AFF1: variants seen among roughly 807,000 people sequenced by gnomAD.
AFF1 encodes the protein ALF transcription elongation factor 1.
In AFF1, 48 loss-of-function variants were observed where a neutral mutation model predicts 121.7. The observed-to-expected ratio is 0.39, with a 90% CI of 0.31 to 0.50. The LOEUF (loss-of-function observed/expected upper bound fraction) is 0.50, where lower values mean the gene tolerates loss of function less well. Among genes scored for constraint, AFF1 ranks in the 20% least tolerant of loss-of-function variants. AFF1 has a pLI of 0.76. For missense variants in AFF1, 1,523 were observed against 1,511.7 expected, an observed-to-expected ratio of 1.01 and a Z score of -0.12; for synonymous variants, 613 against 563.0, an observed-to-expected ratio of 1.09 and a Z score of -1.26.
At chr4:87,046,379 G>A (rs1458292688) in intron 3 of AFF1, 93 bp downstream of exon 3, 3 of 1,450,364 alleles carry the variant, frequency 2.1e-6, no homozygotes, top group East Asian at 4.6e-5. Flanking sequence ...TCGAACAAGG[G>A]TCACAGCTGT....
At chr4:87,122,696 A>G (rs1727813807) in intron 12 of AFF1, among the ~76,000 whole-genome samples, 2 of 152,088 alleles carry the variant, frequency 1.3e-5, no homozygotes, top group Non-Finnish European at 2.9e-5. Flanking sequence ...TAAGCAGTAT[A>G]TTTATAATTC....
chr4:87,017,984 T>C (rs74536391), intron 2 of AFF1, among the ~76,000 whole-genome samples: 5,882 of 151,996 alleles, frequency 0.039, 193 homozygotes, highest in African/African-American at 0.092. Flanking sequence ...GATGTCTTCA[T>C]TTCTTCCTTT....
At chr4:86,963,563 T>C (rs544633582) in intron 2 of AFF1, among the ~76,000 whole-genome samples, 20 of 152,336 alleles carry the variant, frequency 1.3e-4, no homozygotes, top group African/African-American at 4.8e-4. Context: ...TTTAAAAAGC[T>C]TATTCCTAGT....
chr4:87,088,366 TGTG>T (rs1723945240), intron 5 of AFF1, among the ~76,000 whole-genome samples: 3 of 152,312 alleles, frequency 2.0e-5, no homozygotes, highest in South Asian at 4.1e-4. Flanking sequence ...CTCCTGAGGC[TGTG>T]GTAACCCACA....
At chr4:87,065,202 T>C (rs1460361368) in intron 4 of AFF1, among the ~76,000 whole-genome samples, 1 of 152,192 alleles carries the variant, frequency 6.6e-6, no homozygotes, top group Non-Finnish European at 1.5e-5. Context: ...CTCACAGTCA[T>C]GCGGAAGGCA....
At position 87,007,339 on chromosome 4, in the gene AFF1, C is replaced by T. The variant is rs202016738; in HGVS notation, c.39-38827C>T. 254 of 1,608,602 alleles carry T rather than the reference C, an allele frequency of 1.6e-4. 1 individual carries two copies. The East Asian group carries it at 4.6e-3, about 29-fold the overall frequency. On this transcript the variant is annotated intron_variant, in intron 2 of 20. Coordinates refer to ENST00000395146, the MANE Select transcript of AFF1 (RefSeq NM_001166693.3). ...CGGCTCCGCCAAATGGTGAGCGCGG[C>T]GCTGGCAGCAGGGCCCGCGGGGTGA...
intron 11 of AFF1, among the ~76,000 whole-genome samples, chr4:87,112,399 A>G (rs1726627398): frequency 6.6e-6 from 1 of 152,230 alleles, no homozygotes. Flanking sequence ...AGCCGTAAGG[A>G]AGATAATGTT....
intron 2 of AFF1, among the ~76,000 whole-genome samples, chr4:86,964,843 A>G (rs1351494299): frequency 6.6e-6 from 1 of 152,248 alleles, no homozygotes; most frequent in Non-Finnish European, 1.5e-5. Flanking sequence ...ACACAGACTA[A>G]TAAAACATTT....
At chr4:87,030,124 T>C (rs1728921744) in intron 2 of AFF1, among the ~76,000 whole-genome samples, 1 of 148,148 alleles carries the variant, frequency 6.8e-6, no homozygotes, top group Non-Finnish European at 1.5e-5. Flanking sequence ...CTTTAGGCTT[T>C]AAATGAACTT....
At chr4:87,007,314 C>A (rs1318281449) in intron 2 of AFF1, 3 of 1,592,804 alleles carry the variant, frequency 1.9e-6, no homozygotes, top group African/African-American at 2.7e-5. Context: ...CGTCCCCGCC[C>A]GGCTCCGCCA....
intron 4 of AFF1, among the ~76,000 whole-genome samples, chr4:87,051,410 T>C (rs1486780531): frequency 7.3e-6 from 1 of 137,090 alleles, no homozygotes; most frequent in Admixed American, 7.3e-5. Flanking sequence ...TTTTCTTTCC[T>C]TTTTCTTTTT....
chr4:87,026,810 A>G (rs1728577464), intron 2 of AFF1, among the ~76,000 whole-genome samples: 1 of 152,176 alleles, frequency 6.6e-6, no homozygotes, highest in Admixed American at 6.5e-5. Flanking sequence ...ATGCTTTTCT[A>G]AAATCTGGTT....
chr4:87,132,393 C>T lies in AFF1; in HGVS notation c.3296C>T (p.Ser1099Phe). The part of the protein sequence containing the change: ...ESSSKVAQAP[S>F]PCIARSTGTP... ...TCTTCCAAAGTCGCCCAGGCACCTT[C>T]TCCATGCATTGCAAGGTAACTCTAA... Residue 1099 changes from serine (S) to phenylalanine (F), a missense_variant, in exon 19 of 21, where the codon TCT becomes TTT. By Grantham distance (155) the Ser-to-Phe change is radical. This residue lies in a region of AFF1 where 241 missense variants were observed against 265.2 expected (regional missense o/e 0.91). Transcript: ENST00000395146. The T allele has an allele frequency of 3.7e-6, 6 of 1,611,356 alleles. No individual in the cohort carries two copies. The highest frequency in any genetic ancestry group is 5.1e-6 in the Non-Finnish European group (6 of 1,179,176).
At chr4:86,968,592 T>C (rs1722697776) in intron 2 of AFF1, among the ~76,000 whole-genome samples, 1 of 152,118 alleles carries the variant, frequency 6.6e-6, no homozygotes, top group African/African-American at 2.4e-5. Context: ...TGAAGGAGTA[T>C]GGGAAATAGC....
intron 2 of AFF1, chr4:86,949,817 G>C: frequency 3.1e-6 from 5 of 1,613,994 alleles, no homozygotes; most frequent in Non-Finnish European, 4.2e-6. Flanking sequence ...CGTCATGATG[G>C]CGAAACCGAT....
chr4:87,065,130 G>A (rs1485341550), intron 4 of AFF1, among the ~76,000 whole-genome samples: 2 of 152,176 alleles, frequency 1.3e-5, no homozygotes, highest in Non-Finnish European at 2.9e-5. Context: ...AGACATACCT[G>A]AGACTGGGCA....
At chr4:86,977,303 G>A (rs1257483206) in intron 2 of AFF1, among the ~76,000 whole-genome samples, 2 of 151,872 alleles carry the variant, frequency 1.3e-5, no homozygotes, top group East Asian at 1.9e-4. Context: ...GATGATTCAC[G>A]TCCCAGGTGG....
chr4:87,059,864 C>T (rs1720552345), intron 4 of AFF1, among the ~76,000 whole-genome samples: 1 of 152,202 alleles, frequency 6.6e-6, no homozygotes, highest in Non-Finnish European at 1.5e-5. Context: ...GGGCAGAAGT[C>T]AATTGTGTCT....
In AFF1 at chr4:87,126,327, G is replaced by A. The variant is rs149727026; in HGVS notation, c.2802G>A (p.Ser934=). The change falls in exon 14 of 21, where the codon TCG becomes TCA. Residue 934 remains serine, a synonymous_variant. Coordinates refer to ENST00000395146, the MANE Select transcript of AFF1 (RefSeq NM_001166693.3). ...AGGGGAAGGGCTCCAGAAGCTCCTC[G>A]GAGCACAAGGTGAGCAGGGGCGGCG... ...RVEGKGSRSS[S]EHKGSSGDTA... The A allele has an allele frequency of 1.8e-4, 298 of 1,613,882 alleles. No homozygotes were observed. Among genetic ancestry groups the A allele is most frequent in the Non-Finnish European group, 2.1e-4 (251 of 1,179,938 alleles).
Sources: allele counts gnomAD v4.1 joint callset (sites outside exome capture counted in the v4.1 genomes callset), GRCh38; gene constraint gnomAD v4.1.1; regional missense constraint gnomAD v4.1.1; transcripts MANE v1.5; gene names NCBI Gene and HGNC (gene_info 2026-07-23, HGNC 2026-07-21).